The following LRRC75A variants were observed in gnomAD, a reference collection of about 807,000 sequenced individuals.
The protein encoded by LRRC75A is leucine-rich repeat-containing protein 75A.
LRRC75A carries 12 observed loss-of-function variants against 26.0 expected under a neutral mutation model. The ratio of observed to expected loss-of-function variants is 0.46; its 90% CI spans 0.30 to 0.75. The LOEUF is 0.75. Among genes scored for constraint, LRRC75A ranks in the 30% least tolerant of loss-of-function variants. The pLI, the probability that LRRC75A is intolerant of heterozygous loss-of-function variation, is 0.08. For missense variants in LRRC75A, 410 were observed against 486.6 expected (o/e 0.84, Z 1.48); for synonymous variants, 223 against 219.3 (o/e 1.02, Z -0.15).
At chr17:16,480,445 C>T (rs979748408) in intron 1 of LRRC75A, among the ~76,000 whole-genome samples, 17 of 151,968 alleles carry the variant, frequency 1.1e-4, no homozygotes, top group African/African-American at 4.1e-4. Flanking sequence ...GCCTGAGCAA[C>T]ACGGTGAAAC....
In LRRC75A at chr17:16,443,997, A is replaced by C. The variant is rs1302961130; in HGVS notation, c.626T>G (p.Leu209Arg). Reference protein sequence around the residue: ...RCGEQVDSVELGFTGLTDDMV... With the variant: ...RCGEQVDSVERGFTGLTDDMV... ...GTCGTCCGTGAGGCCTGTGAAGCCC[A>C]GCTCCACGCTGTCTACCTGCTCCCC... Residue 209 changes from leucine (L) to arginine (R), a missense_variant, in exon 4 of 4, where the codon CTG becomes CGG. Coordinates refer to ENST00000470794, the MANE Select transcript of LRRC75A (RefSeq NM_001113567.3). The C allele has an allele frequency of 6.2e-7, 1 of 1,613,860 alleles. No individual in the cohort carries two copies.
At position 16,462,353 on chromosome 17, in the gene LRRC75A, C is replaced by T. The variant is rs764747633; in HGVS notation, c.280G>A (p.Val94Ile). The change falls in exon 2 of 4, where the codon GTT becomes ATT. Residue 94 changes from valine (V) to isoleucine (I), a missense_variant. By Grantham distance (29) the Val-to-Ile change is conservative (BLOSUM62 3). Coordinates refer to ENST00000470794, the MANE Select transcript of LRRC75A (RefSeq NM_001113567.3). This position sits in a 1 kb window ranked among gnomAD's most constrained non-coding sequence, Gnocchi z 4.6. ...CGGAAGCTGGCGTAGCGATACAGAA[C>T]GTCGTCTAGCGAGGTCGACTCCATG... ...LGMESTSLDDVLYRYASFRNL... is the reference protein window; with the variant it reads ...LGMESTSLDDILYRYASFRNL... The T allele has an allele frequency of 4.3e-6, 7 of 1,614,026 alleles. No individual in the cohort carries two copies. Among genetic ancestry groups the T allele is most frequent in the African/African-American group, 4.0e-5 (3 of 74,930 alleles).
At chr17:16,444,755 G>T (rs1483121205) in intron 3 of LRRC75A, among the ~76,000 whole-genome samples, 2 of 151,802 alleles carry the variant, frequency 1.3e-5, no homozygotes, top group Admixed American at 1.3e-4. Context: ...CAAGCTGATG[G>T]CAAGTGTGCC....
intron 2 of LRRC75A, among the ~76,000 whole-genome samples, chr17:16,448,597 A>G (rs138293552): frequency 6.6e-6 from 1 of 152,308 alleles, no homozygotes; most frequent in East Asian, 1.9e-4. Context: ...GACAATCACA[A>G]GTTGATGTCC....
intron 1 of LRRC75A, among the ~76,000 whole-genome samples, chr17:16,475,239 A>C (rs1189429646): frequency 3.9e-5 from 6 of 152,030 alleles, no homozygotes; most frequent in East Asian, 1.9e-4. Context: ...GAAATTTCTG[A>C]CTCTGCCTCT....
chr17:16,469,472 T>G (rs1191534119), intron 1 of LRRC75A, among the ~76,000 whole-genome samples: 1 of 152,164 alleles, frequency 6.6e-6, no homozygotes, highest in Non-Finnish European at 1.5e-5. Flanking sequence ...CCCCAGCTTG[T>G]GCACTCTCAA....
intron 1 of LRRC75A, among the ~76,000 whole-genome samples, chr17:16,487,792 C>T (rs989954881): frequency 6.6e-6 from 1 of 152,190 alleles, no homozygotes; most frequent in South Asian, 2.1e-4. Context: ...CAGAGTGAAG[C>T]CAGCCTCACC....
At chr17:16,460,880 C>T (rs2093722329) in intron 2 of LRRC75A, 3 of 152,328 alleles carry the variant, frequency 2.0e-5, no homozygotes, top group African/African-American at 7.2e-5. Flanking sequence ...CCCGTCCCTT[C>T]CCACCTCCCT....
At chr17:16,483,409 G>T (rs984489001) in intron 1 of LRRC75A, among the ~76,000 whole-genome samples, 3 of 152,180 alleles carry the variant, frequency 2.0e-5, no homozygotes, top group African/African-American at 7.2e-5. Context: ...TGGTGGGGAG[G>T]TATCTGTCCC....
At chr17:16,488,040 G>A (rs1414648131) in intron 1 of LRRC75A, among the ~76,000 whole-genome samples, 1 of 152,236 alleles carries the variant, frequency 6.6e-6, no homozygotes, top group Non-Finnish European at 1.5e-5. Context: ...CCATGACGCA[G>A]GCCGACAGCT....
At position 16,443,636 on chromosome 17, in the gene LRRC75A, G is replaced by A. The variant is rs749930335; in HGVS notation, c.987C>T (p.Ala329=). Residue 329 remains alanine (A), a synonymous_variant, in exon 4 of 4, where the codon GCC becomes GCT. Coordinates refer to ENST00000470794, the MANE Select transcript of LRRC75A (RefSeq NM_001113567.3). ...EDPGGGPVAP[A]EDHHEGKETV... is the part of the protein sequence containing the mutation. Reference sequence around the variant, plus strand: ...TCTCCTTGCCCTCATGGTGGTCTTCGGCAGGTGCCACAGGGCCCCCTCCAG... The same window carrying A: ...TCTCCTTGCCCTCATGGTGGTCTTCAGCAGGTGCCACAGGGCCCCCTCCAG... 1.0e-5 allele frequency: 16 copies of A among 1,551,878 alleles called. No homozygotes were observed. The highest frequency in any genetic ancestry group is 3.5e-5 in the South Asian group (3 of 85,094).
intron 1 of LRRC75A, among the ~76,000 whole-genome samples, chr17:16,471,909 C>A (rs1254370589): frequency 1.3e-5 from 2 of 151,868 alleles, no homozygotes; most frequent in Non-Finnish European, 2.9e-5. Flanking sequence ...GTTGCTGGGA[C>A]TGGGGAAGGG....
In LRRC75A at chr17:16,473,413, T is replaced by G. The variant is rs34913511; in HGVS notation, c.247-11027A>C. Among the ~76,000 whole-genome samples, 968 of 152,214 alleles carry G rather than the reference T, an allele frequency of 6.4e-3. 7 individuals carry two copies. Among genetic ancestry groups the G allele is most frequent in the Non-Finnish European group, 8.1e-3 (550 of 68,004 alleles). ...TGAAGGTGAGGCCTCCTCACAGTCC[T>G]GCTGATGTCTAAGGTGGGCATTGCC... On this transcript the variant is annotated intron_variant, in intron 1 of 3. Coordinates refer to ENST00000470794, the MANE Select transcript of LRRC75A (RefSeq NM_001113567.3).
chr17:16,454,782 G>A (rs1366392393), intron 2 of LRRC75A, among the ~76,000 whole-genome samples: 1 of 151,948 alleles, frequency 6.6e-6, no homozygotes. Flanking sequence ...GGGGTTTGGG[G>A]TCTTCATTTC....
chr17:16,488,815 C>T (rs1167566887), intron 1 of LRRC75A, among the ~76,000 whole-genome samples: 1 of 152,206 alleles, frequency 6.6e-6, no homozygotes, highest in Admixed American at 6.5e-5. Context: ...CAGCAAGTGA[C>T]AAGCTGGAGA....
chr17:16,483,060 G>T (rs981777793), intron 1 of LRRC75A, among the ~76,000 whole-genome samples: 4 of 152,194 alleles, frequency 2.6e-5, no homozygotes, highest in African/African-American at 9.6e-5. Context: ...TAGAGGGAGG[G>T]GAGAGAGACC....
chr17:16,476,984 C>T (rs1024184467), intron 1 of LRRC75A, among the ~76,000 whole-genome samples: 14 of 151,568 alleles, frequency 9.2e-5, no homozygotes, highest in African/African-American at 2.4e-4. Flanking sequence ...GTGATCCGCC[C>T]GCCTTGGCCT....
At chr17:16,470,186 A>G (rs1264173374) in intron 1 of LRRC75A, 1 of 152,092 alleles carries the variant, frequency 6.6e-6, no homozygotes, top group Non-Finnish European at 1.5e-5. Flanking sequence ...GGAGGCCGTC[A>G]GCCATACTCT....
chr17:16,456,668 G>A (rs2143021519), intron 2 of LRRC75A, among the ~76,000 whole-genome samples: 1 of 152,320 alleles, frequency 6.6e-6, no homozygotes, highest in South Asian at 2.1e-4. Flanking sequence ...AGAGCAGCGA[G>A]GAGGGAAGGA....
Sources: gnomAD v4.1 joint callset for allele counts (sites outside exome capture counted in the v4.1 genomes callset) on GRCh38, gnomAD v4.1.1 for gene constraint, Gnocchi (gnomAD v3.1) non-coding constraint, MANE v1.5 for transcripts, NCBI Gene and HGNC (gene_info 2026-07-23, HGNC 2026-07-21) for gene names.